The following PER2 variants were observed in gnomAD, a reference collection of about 807,000 sequenced individuals.
The protein encoded by PER2 is period circadian regulator 2.
A neutral mutation model predicts 121.0 loss-of-function variants in PER2; 66 were observed. The observed-to-expected ratio is 0.55, with a 90% CI of 0.45 to 0.67. PER2 has a LOEUF of 0.67. Among genes scored for constraint, PER2 ranks in the 30% least tolerant of loss-of-function variants. The probability of loss-of-function intolerance (pLI) is 0.00; values close to 1 mark genes in which losing one functional copy is unlikely to be tolerated. For synonymous variants in PER2, 684 were observed against 659.9 expected (o/e 1.04, Z -0.56); for missense variants, 1,521 against 1,635.0 (o/e 0.93, Z 1.20).
chr2:238,263,565 A>C (rs556961446), intron 9 of PER2, among the ~76,000 whole-genome samples: 77 of 151,320 alleles, frequency 5.1e-4, no homozygotes, highest in African/African-American at 1.6e-3. Flanking sequence ...CTGCCCTTTG[A>C]GCTCATGCCT....
At position 238,253,529 on chromosome 2, in the gene PER2, A is replaced by G; in HGVS notation, c.2494T>C (p.Ser832Pro). The G allele has an allele frequency of 6.2e-7, 1 of 1,611,408 alleles. No individual in the cohort carries two copies. Among genetic ancestry groups the G allele is most frequent in the Non-Finnish European group, 8.5e-7 (1 of 1,179,218 alleles). Reference protein sequence around the residue: ...PLVGLNATAWSPSDTSQSSCP... With the variant: ...PLVGLNATAWPPSDTSQSSCP... The stretch of plus-strand genomic sequence containing the variant: ...CTGGACTGGGACGTGTCTGAGGGTG[A>G]CCAGGCTGTGGCGTTCAAGCCCACC... The change falls in exon 19 of 23, where the codon TCA becomes CCA. Residue 832 changes from serine to proline, a missense_variant. Coordinates refer to ENST00000254657, the MANE Select transcript of PER2 (RefSeq NM_022817.3). This position sits in a 1 kb window ranked among gnomAD's most constrained non-coding sequence, Gnocchi z 5.6.
intron 1 of PER2, among the ~76,000 whole-genome samples, chr2:238,287,980 T>C (rs889267295): frequency 6.6e-6 from 1 of 152,146 alleles, no homozygotes; most frequent in African/African-American, 2.4e-5. Flanking sequence ...TACAGGGTGG[T>C]CCAGGGGAGG....
chr2:238,294,108 G>A (rs552461107), upstream of PER2, among the ~76,000 whole-genome samples: 6 of 152,270 alleles, frequency 3.9e-5, no homozygotes, highest in South Asian at 6.2e-4. Flanking sequence ...GATCCTCCAC[G>A]TCCGAGGCAT....
chr2:238,273,166 C>A lies in PER2; in HGVS notation c.474G>T (p.Leu158=), dbSNP rs1467283016. ...VKANEEYYQL[L]MSSEGHPCGA... ...CACAGGGGTGACCCTCGCTGGACATCAGCAGCTGGTAATACTCTTCATTGG... is the reference window on the plus strand; with the variant it reads ...CACAGGGGTGACCCTCGCTGGACATAAGCAGCTGGTAATACTCTTCATTGG... Residue 158 remains leucine, a synonymous_variant, in exon 5 of 23, where the codon CTG becomes CTT. Transcript: ENST00000254657. 1 of 1,613,850 alleles carries A rather than the reference C, an allele frequency of 6.2e-7. No individual in the cohort carries two copies. Among genetic ancestry groups the A allele is most frequent in the South Asian group, 1.1e-5 (1 of 91,060 alleles).
At chr2:238,294,140 GTC>G (rs765178397), upstream of PER2, among the ~76,000 whole-genome samples, 4 of 152,204 alleles carry the variant, frequency 2.6e-5, no homozygotes, top group Non-Finnish European at 5.9e-5. Context: ...CAGGTGGAGG[GTC>G]TCTCATCGGT....
intron 1 of PER2, among the ~76,000 whole-genome samples, chr2:238,282,039 T>C (rs1434088111): frequency 6.6e-6 from 1 of 152,158 alleles, no homozygotes; most frequent in Non-Finnish European, 1.5e-5. Flanking sequence ...ACACAGCATC[T>C]AGAGCGATCC....
rs138266537 is a variant in PER2, at chr2:238,245,041, C to T, written c.*1334G>A. The T allele has an allele frequency of 3.6e-5, 1 of 28,110 alleles. No individual in the cohort carries two copies. Among genetic ancestry groups the T allele is most frequent in the African/African-American group, 1.4e-4 (1 of 7,068 alleles). The allele number at this position is 28,110 out of a possible 1,614,324, so 1.7% of individuals were successfully genotyped here. A position where few individuals can be genotyped will look rare whatever the true frequency, so the allele number is the denominator to read the frequency against. On this transcript the variant is annotated 3_prime_UTR_variant, in exon 23 of 23. Coordinates refer to ENST00000254657, the MANE Select transcript of PER2 (RefSeq NM_022817.3). ...CAGCCTGGGCAAAAAGAAACTCCAT[C>T]TAAAAAAAAAAAAAAAAAAAAAAAA...
intron 1 of PER2, among the ~76,000 whole-genome samples, chr2:238,281,444 C>T (rs1404776335): frequency 6.6e-6 from 1 of 152,210 alleles, no homozygotes; most frequent in Non-Finnish European, 1.5e-5. Flanking sequence ...CAGCATCATT[C>T]CCCTTAAAGT....
chr2:238,261,329 T>C, intron 12 of PER2: 1 of 385,616 alleles, frequency 2.6e-6, no homozygotes, highest in Non-Finnish European at 4.8e-6. Context: ...AGGTGTGGGG[T>C]TGACTGCAGT....
At chr2:238,280,175 C>T (rs1018913962) in intron 1 of PER2, among the ~76,000 whole-genome samples, 2 of 152,180 alleles carry the variant, frequency 1.3e-5, no homozygotes, top group Non-Finnish European at 2.9e-5. Context: ...TACAGGGTGC[C>T]GGATTCCAAC....
At chr2:238,290,409 C>T (rs1696929834), upstream of PER2, among the ~76,000 whole-genome samples, 3 of 152,118 alleles carry the variant, frequency 2.0e-5, no homozygotes, top group Admixed American at 2.0e-4. Context: ...TGGGGAGCTC[C>T]ATTGTTCTGG....
chr2:238,269,767 G>A lies in PER2; in HGVS notation c.773-793C>T, dbSNP rs1243724118. On this transcript the variant is annotated intron_variant, in intron 6 of 22. Transcript: ENST00000254657. ...TAACCGACAACTGAGCACAGTCACG[G>A]ATGTCCAGAACATTGACAAAGAAAG... is the stretch of plus-strand genomic sequence containing the variant. Among the ~76,000 whole-genome samples, 5 of 152,250 alleles carry A rather than the reference G, an allele frequency of 3.3e-5. No individual in the cohort carries two copies. The East Asian group carries it at 9.6e-4, about 29-fold the overall frequency.
intron 18 of PER2, chr2:238,255,222 G>A (rs1425494308): frequency 1.7e-5 from 5 of 288,698 alleles, no homozygotes; most frequent in South Asian, 3.5e-5. Flanking sequence ...GCCCAGTCAG[G>A]AGGGTGCATC....
At chr2:238,288,998 G>C (rs1400101068), upstream of PER2, 3 of 152,326 alleles carry the variant, frequency 2.0e-5, no homozygotes, top group East Asian at 5.8e-4. Flanking sequence ...CGGCGCGTTC[G>C]TGCTACCCGT....
At chr2:238,260,726 G>A in intron 13 of PER2, 102 bp downstream of exon 13, 1 of 1,311,066 alleles carries the variant, frequency 7.6e-7, no homozygotes, top group East Asian at 2.3e-5. Context: ...GCTGCAATCA[G>A]GAAGCCCCTC....
intron 18 of PER2, among the ~76,000 whole-genome samples, chr2:238,254,585 A>G (rs1695705661): frequency 1.3e-5 from 2 of 152,192 alleles, no homozygotes; most frequent in Admixed American, 1.3e-4. Context: ...CAGTGGCTAA[A>G]GCACTGGGCT....
chr2:238,256,868 G>C (rs1695777215), intron 17 of PER2, 54 bp downstream of exon 17: 2 of 1,568,934 alleles, frequency 1.3e-6, no homozygotes, highest in African/African-American at 1.4e-5. Flanking sequence ...CAAACTTCTT[G>C]TTTTCATGGT....
rs201214959 is a variant in PER2, at chr2:238,277,148, T to C, written c.276A>G (p.Pro92=). 3.7e-6 allele frequency: 6 copies of C among 1,612,714 alleles called. No homozygotes were observed. Among genetic ancestry groups the C allele is most frequent in the Non-Finnish European group, 5.1e-6 (6 of 1,178,684 alleles). The change falls in exon 3 of 23, where the codon CCA becomes CCG. Residue 92 remains proline (P), a synonymous_variant. Transcript: ENST00000254657. ...GGCCTTACCTGCAGCCACTTGTAGATGGGTTGTGTTCAGATTTTGCCATCA... is the reference window on the plus strand; with the variant it reads ...GGCCTTACCTGCAGCCACTTGTAGACGGGTTGTGTTCAGATTTTGCCATCA... The part of the protein sequence containing the change: ...SLMMAKSEHN[P]STSGCSSDQS...
intron 8 of PER2, among the ~76,000 whole-genome samples, chr2:238,266,243 C>T (rs1033280630): frequency 6.6e-6 from 1 of 151,888 alleles, no homozygotes; most frequent in Non-Finnish European, 1.5e-5. Flanking sequence ...AGTGATCTGA[C>T]ACATTATTTT....
Sources: gnomAD v4.1 joint callset for allele counts (sites outside exome capture counted in the v4.1 genomes callset) on GRCh38, gnomAD v4.1.1 for gene constraint, Gnocchi (gnomAD v3.1) non-coding constraint, MANE v1.5 for transcripts, NCBI Gene and HGNC (gene_info 2026-07-23, HGNC 2026-07-21) for gene names.